The following THSD4 variants were observed in gnomAD, a reference collection of about 807,000 sequenced individuals.
THSD4 encodes the protein thrombospondin type 1 domain containing 4, also known as thrombospondin type-1 domain-containing protein 4.
In THSD4, 69 loss-of-function variants were observed where a neutral mutation model predicts 119.0. The ratio of observed to expected loss-of-function variants is 0.58; its 90% confidence interval spans 0.48 to 0.71. The LOEUF (loss-of-function observed/expected upper bound fraction) is 0.71, where lower values mean the gene tolerates loss of function less well. Among genes scored for constraint, THSD4 ranks in the 30% least tolerant of loss-of-function variants. THSD4 has a pLI of 0.00. For synonymous variants in THSD4, 524 were observed against 540.4 expected, an observed-to-expected ratio of 0.97 and a Z score of 0.42; for missense variants, 1,393 against 1,391.1, an observed-to-expected ratio of 1.00 and a Z score of -0.02.
chr15:71,234,908 TC>T (rs2044091450), intron 4 of THSD4, among the ~76,000 whole-genome samples: 1 of 152,170 alleles, frequency 6.6e-6, no homozygotes, highest in South Asian at 2.1e-4. Flanking sequence ...TCCTGCCAGC[TC>T]CCCAGGGCTG....
At chr15:71,542,514 C>T (rs1272497897) in intron 7 of THSD4, among the ~76,000 whole-genome samples, 1 of 152,088 alleles carries the variant, frequency 6.6e-6, no homozygotes, top group Non-Finnish European at 1.5e-5. Flanking sequence ...ATAAGAAGGG[C>T]ATTTTGCTTC....
chr15:71,741,537 C>A (rs1484325716), intron 11 of THSD4, among the ~76,000 whole-genome samples: 1 of 152,122 alleles, frequency 6.6e-6, no homozygotes, highest in Non-Finnish European at 1.5e-5. Context: ...ATCTCTTTCT[C>A]TAGATTTCCA....
chr15:71,552,384 C>G (rs1188986770), intron 7 of THSD4, among the ~76,000 whole-genome samples: 1 of 152,242 alleles, frequency 6.6e-6, no homozygotes, highest in African/African-American at 2.4e-5. Flanking sequence ...GCTTTGTAAG[C>G]AGTGACACCC....
At chr15:71,587,892 T>C (rs2049712682) in intron 7 of THSD4, among the ~76,000 whole-genome samples, 1 of 151,870 alleles carries the variant, frequency 6.6e-6, no homozygotes, top group African/African-American at 2.4e-5. Context: ...AAACATTAAC[T>C]TGAGGTAACA....
chr15:71,411,925 C>T, intron 7 of THSD4, 102 bp downstream of exon 7: 1 of 1,494,210 alleles, frequency 6.7e-7, no homozygotes, highest in South Asian at 1.3e-5. Context: ...TCCCCCCAGC[C>T]CACGTCAGGG....
chr15:71,422,869 T>G (rs1408719642), intron 7 of THSD4, among the ~76,000 whole-genome samples: 1 of 152,102 alleles, frequency 6.6e-6, no homozygotes, highest in Non-Finnish European at 1.5e-5. Flanking sequence ...GTTGCTCTAT[T>G]CTACTGCAGC....
chr15:71,710,976 G>A (rs1372002230), intron 8 of THSD4, among the ~76,000 whole-genome samples: 1 of 151,746 alleles, frequency 6.6e-6, no homozygotes, highest in Admixed American at 6.6e-5. Flanking sequence ...CATTATATCT[G>A]TTTACCTATT....
chr15:71,688,036 T>A (rs2051955405), intron 8 of THSD4, among the ~76,000 whole-genome samples: 1 of 152,230 alleles, frequency 6.6e-6, no homozygotes, highest in South Asian at 2.1e-4. Context: ...TGTGTTCAGA[T>A]GTATTCTATG....
chr15:71,424,690 G>A (rs910700139), intron 7 of THSD4, among the ~76,000 whole-genome samples: 1 of 152,104 alleles, frequency 6.6e-6, no homozygotes, highest in East Asian at 1.9e-4. Flanking sequence ...TTAACAGAGA[G>A]CACGATTATA....
intron 7 of THSD4, among the ~76,000 whole-genome samples, chr15:71,463,746 T>A (rs1163933082): frequency 6.6e-6 from 1 of 152,200 alleles, no homozygotes; most frequent in Non-Finnish European, 1.5e-5. Context: ...ACAAGTGTTA[T>A]TATCCTGATT....
intron 7 of THSD4, among the ~76,000 whole-genome samples, chr15:71,540,179 C>T (rs1308060884): frequency 6.7e-6 from 1 of 149,176 alleles, no homozygotes; most frequent in African/African-American, 2.5e-5. Context: ...GCTCTGTCGC[C>T]CAGGTTGGAG....
chr15:71,556,199 T>C (rs1479113700), intron 7 of THSD4, among the ~76,000 whole-genome samples: 1 of 152,190 alleles, frequency 6.6e-6, no homozygotes, highest in Non-Finnish European at 1.5e-5. Flanking sequence ...TTATCAGTAT[T>C]GTATTGAGTC....
At chr15:71,233,673 C>T (rs1395319020) in intron 4 of THSD4, among the ~76,000 whole-genome samples, 1 of 152,186 alleles carries the variant, frequency 6.6e-6, no homozygotes, top group Non-Finnish European at 1.5e-5. Context: ...TCCTTATTTT[C>T]CTGTTTAAGG....
rs1273456764 is a variant in THSD4 at position 71,782,377 on chromosome 15, G to A, written c.*5003G>A. On this transcript the variant is annotated 3_prime_UTR_variant, in exon 18 of 18. Coordinates refer to ENST00000261862, the MANE Select transcript of THSD4 (RefSeq NM_024817.3). The stretch of plus-strand genomic sequence containing the variant: ...TATACAAACTAATACCCCCTGCCTT[G>A]ACCCCTTCCCCACGACTCAGTTGAC... 6.6e-6 allele frequency: 1 copy of A among 152,088 alleles called. No homozygotes were observed. Among genetic ancestry groups the A allele is most frequent in the Admixed American group, 6.5e-5 (1 of 15,280 alleles). The allele number at this position is 152,088 out of a possible 1,614,324, so 9.4% of individuals were successfully genotyped here.
chr15:71,344,163 C>T (rs574418199), intron 6 of THSD4, among the ~76,000 whole-genome samples: 4 of 151,864 alleles, frequency 2.6e-5, no homozygotes, highest in Non-Finnish European at 5.9e-5. Flanking sequence ...CTCAGCCTCC[C>T]GAGTAGCTGG....
intron 6 of THSD4, among the ~76,000 whole-genome samples, chr15:71,326,968 G>A (rs748790736): frequency 6.6e-6 from 1 of 151,350 alleles, no homozygotes; most frequent in Non-Finnish European, 1.5e-5. Flanking sequence ...GGGAGTTCAA[G>A]ACTAGCCTGA....
At chr15:71,534,963 AAAAC>A (rs1338427404) in intron 7 of THSD4, among the ~76,000 whole-genome samples, 1 of 152,240 alleles carries the variant, frequency 6.6e-6, no homozygotes, top group Admixed American at 6.5e-5. Context: ...CGTCTCAAAA[AAAAC>A]AAACAGAAAA....
intron 7 of THSD4, among the ~76,000 whole-genome samples, chr15:71,533,541 A>C (rs746960754): frequency 6.6e-6 from 1 of 152,358 alleles, no homozygotes; most frequent in Non-Finnish European, 1.5e-5. Flanking sequence ...ACATTATTTA[A>C]GATTTTTCAC....
chr15:71,379,789 A>AGG (rs2046204545), intron 6 of THSD4, among the ~76,000 whole-genome samples: 1 of 151,958 alleles, frequency 6.6e-6, no homozygotes, highest in South Asian at 2.1e-4. Flanking sequence ...GTATGTGTTT[A>AGG]TTTGCTGACC....
Sources: allele counts gnomAD v4.1 joint callset (sites outside exome capture counted in the v4.1 genomes callset), GRCh38; gene constraint gnomAD v4.1.1; transcripts MANE v1.5; gene names NCBI Gene and HGNC (gene_info 2026-07-23, HGNC 2026-07-21).